The following CRACD variants were observed in gnomAD, a reference collection of about 807,000 sequenced individuals.
CRACD encodes the protein capping protein inhibiting regulator of actin dynamics.
CRACD carries 56 observed loss-of-function variants against 106.8 expected under a neutral mutation model. The observed-to-expected ratio is 0.52, with a 90% confidence interval of 0.42 to 0.66. The LOEUF (loss-of-function observed/expected upper bound fraction) is 0.66, where lower values mean the gene tolerates loss of function less well. Ranked by LOEUF, CRACD falls within the 30% of genes least tolerant of loss-of-function variation. The pLI is 0.00. For missense variants in CRACD, 1,730 were observed against 1,623.2 expected (o/e 1.07, Z -1.13); for synonymous variants, 754 against 670.8 (o/e 1.12, Z -1.92).
chr4:56,198,554 A>C (rs182498611), intron 2 of CRACD, among the ~76,000 whole-genome samples: 5,049 of 152,332 alleles, frequency 0.033, 119 homozygotes, highest in Admixed American at 0.055. Context: ...AAGTAGAAGC[A>C]TAAAACCCAG....
chr4:56,050,447 T>C (rs561018381), intron 1 of CRACD, among the ~76,000 whole-genome samples: 10 of 152,178 alleles, frequency 6.6e-5, no homozygotes, highest in Non-Finnish European at 1.2e-4. Context: ...GTTAAATCAA[T>C]GTTTCCTTTA....
intron 1 of CRACD, among the ~76,000 whole-genome samples, chr4:56,058,734 CTG>C (rs1168884909): frequency 2.0e-5 from 3 of 152,210 alleles, no homozygotes; most frequent in African/African-American, 7.2e-5. Flanking sequence ...TCAGATGTGA[CTG>C]TAGTGATTAG....
intron 1 of CRACD, among the ~76,000 whole-genome samples, chr4:56,062,631 ACTGTAGTTT>A (rs1732317975): frequency 6.6e-6 from 1 of 152,188 alleles, no homozygotes; most frequent in South Asian, 2.1e-4. Flanking sequence ...AGAGTGGTAG[ACTGTAGTTT>A]CTGAGCTAAC....
intron 1 of CRACD, among the ~76,000 whole-genome samples, chr4:56,075,627 A>C (rs1004238391): frequency 2.0e-5 from 3 of 151,872 alleles, no homozygotes; most frequent in Non-Finnish European, 4.4e-5. Flanking sequence ...CCTCCCCCAA[A>C]CCCCTAGCAA....
chr4:56,083,345 CA>C (rs1423826837), intron 1 of CRACD, among the ~76,000 whole-genome samples: 3 of 152,150 alleles, frequency 2.0e-5, no homozygotes, highest in African/African-American at 7.2e-5. Context: ...TGACTGTGCA[CA>C]ATTACTCACT....
intron 3 of CRACD, among the ~76,000 whole-genome samples, chr4:56,287,174 G>T (rs888001387): frequency 2.6e-5 from 4 of 152,188 alleles, no homozygotes; most frequent in Non-Finnish European, 4.4e-5. Context: ...ACCTAGGCTG[G>T]AGTATGGTGA....
At chr4:56,114,644 A>G (rs912211299) in intron 1 of CRACD, among the ~76,000 whole-genome samples, 1 of 152,124 alleles carries the variant, frequency 6.6e-6, no homozygotes, top group African/African-American at 2.4e-5. Flanking sequence ...GGCAGGACTC[A>G]TTAGAGGTGC....
rs181071554 is a variant in CRACD, at chr4:56,103,504, A to C, written c.-336+54205A>C. ...CTAAGATTCTGGTTTGAATAATTCA[A>C]AATGAGGGTACAACATAAGAATAAG... On this transcript the variant is annotated intron_variant, in intron 1 of 10. Coordinates refer to ENST00000682029, the MANE Select transcript of CRACD (RefSeq NM_001393381.1). 3.9e-5 allele frequency among the ~76,000 whole-genome samples: 6 copies of C among 152,336 alleles called. No individual in the cohort carries two copies. In the East Asian group the frequency reaches 1.2e-3, roughly 29 times the overall value.
At chr4:56,077,151 T>A (rs1038682219) in intron 1 of CRACD, among the ~76,000 whole-genome samples, 1 of 152,206 alleles carries the variant, frequency 6.6e-6, no homozygotes, top group African/African-American at 2.4e-5. Context: ...AAAAGAGGTT[T>A]AATTGACTCA....
At chr4:56,287,277 A>ACT (rs71192087) in intron 3 of CRACD, among the ~76,000 whole-genome samples, 44,575 of 150,614 alleles carry the variant, frequency 0.3, 7,713 homozygotes, top group East Asian at 0.64. Context: ...AATGTGCAGC[A>ACT]CTATACTTGG....
chr4:56,091,817 A>G (rs971404632), intron 1 of CRACD, among the ~76,000 whole-genome samples: 1 of 152,148 alleles, frequency 6.6e-6, no homozygotes, highest in Non-Finnish European at 1.5e-5. Flanking sequence ...CCTTTTTGCT[A>G]TAACAATTCA....
intron 10 of CRACD, among the ~76,000 whole-genome samples, chr4:56,324,981 C>T (rs532980726): frequency 6.6e-6 from 1 of 152,036 alleles, no homozygotes; most frequent in Non-Finnish European, 1.5e-5. Flanking sequence ...GCCACATGTA[C>T]CCCCAAAATA....
intron 2 of CRACD, among the ~76,000 whole-genome samples, chr4:56,185,638 G>A (rs1737057685): frequency 6.6e-6 from 1 of 152,190 alleles, no homozygotes; most frequent in African/African-American, 2.4e-5. Context: ...TTTAGTTGCT[G>A]GTGGACTTCT....
intron 1 of CRACD, among the ~76,000 whole-genome samples, chr4:56,109,430 G>A (rs775837955): frequency 8.5e-5 from 13 of 152,104 alleles, no homozygotes; most frequent in Admixed American, 4.6e-4. Context: ...ACTGTCACAG[G>A]TTGGAGGAGA....
intron 1 of CRACD, among the ~76,000 whole-genome samples, chr4:56,092,620 T>TA (rs1733458402): frequency 6.6e-6 from 1 of 152,148 alleles, no homozygotes; most frequent in Non-Finnish European, 1.5e-5. Context: ...TAATTTTTTT[T>TA]GAGACAAGGT....
intron 1 of CRACD, among the ~76,000 whole-genome samples, chr4:56,148,296 T>A (rs187183147): frequency 0.01 from 1,505 of 144,688 alleles, 26 homozygotes; most frequent in African/African-American, 0.04. Flanking sequence ...AAAAAAAAAA[T>A]TTATTTTTTC....
chr4:56,250,526 T>G (rs1279132951), intron 2 of CRACD, among the ~76,000 whole-genome samples: 1 of 152,188 alleles, frequency 6.6e-6, no homozygotes, highest in Non-Finnish European at 1.5e-5. Flanking sequence ...TTAGGACAAA[T>G]GTCTACCTCC....
At chr4:56,226,554 G>A (rs1739314861) in intron 2 of CRACD, among the ~76,000 whole-genome samples, 1 of 152,132 alleles carries the variant, frequency 6.6e-6, no homozygotes, top group African/African-American at 2.4e-5. Flanking sequence ...TGTATGCTCT[G>A]TTGCTAAGAG....
intron 2 of CRACD, among the ~76,000 whole-genome samples, chr4:56,226,993 C>T (rs964478182): frequency 1.3e-4 from 19 of 151,896 alleles, no homozygotes; most frequent in Non-Finnish European, 1.8e-4. Flanking sequence ...AGCCCGACAC[C>T]TCACCAGAAG....
Sources: allele counts gnomAD v4.1 joint callset (sites outside exome capture counted in the v4.1 genomes callset), GRCh38; gene constraint gnomAD v4.1.1; transcripts MANE v1.5; gene names NCBI Gene and HGNC (gene_info 2026-07-23, HGNC 2026-07-21).